The following POLR2I variants were observed in gnomAD, a reference collection of about 807,000 sequenced individuals.
POLR2I encodes the protein DNA-directed RNA polymerase II subunit RPB9.
POLR2I carries 15 observed loss-of-function variants against 23.0 expected under a neutral mutation model. The observed-to-expected ratio is 0.65, with a 90% CI of 0.44 to 1.00. The LOEUF (loss-of-function observed/expected upper bound fraction) is 1.00, where lower values mean the gene tolerates loss of function less well. Ranked by LOEUF, POLR2I falls within the 50% of genes least tolerant of loss-of-function variation. The probability of loss-of-function intolerance (pLI) is 0.00; values close to 1 mark genes in which losing one functional copy is unlikely to be tolerated. For synonymous variants in POLR2I, 72 were observed against 65.4 expected (o/e 1.10, Z -0.49); for missense variants, 120 against 173.7 (o/e 0.69, Z 1.74).
At chr19:36,113,931 C>T in intron 5 of POLR2I, 84 bp downstream of exon 5, 4 of 1,576,252 alleles carry the variant, frequency 2.5e-6, no homozygotes, top group African/African-American at 1.3e-5. Flanking sequence ...TTCCAAGAAG[C>T]GCAGGGTCAC....
chr19:36,113,970 G>A lies in POLR2I; in HGVS notation c.315+45C>T, dbSNP rs749039089. 84 of 1,607,210 alleles carry A rather than the reference G, an allele frequency of 5.2e-5. No individual in the cohort carries two copies. In the Middle Eastern group the frequency reaches 8.2e-4, roughly 16 times the overall value. On this transcript the variant is annotated intron_variant, in intron 5 of 5. Transcript: ENST00000221859. Reference sequence around the variant, plus strand: ...CATTGATATCCCCGCCCCCAGAAAGGACCAAACAAGCCCCAGATACTTAGA... The same window carrying A: ...CATTGATATCCCCGCCCCCAGAAAGAACCAAACAAGCCCCAGATACTTAGA...
chr19:36,113,878 A>G, intron 5 of POLR2I, 61 bp from the exon 6 acceptor site: 1 of 1,599,000 alleles, frequency 6.3e-7, no homozygotes, highest in African/African-American at 1.3e-5. Flanking sequence ...ACCCCAAAAG[A>G]ACAGGCAAGA....
In POLR2I at chr19:36,114,351, G is replaced by A. The variant is rs764389666; in HGVS notation, c.176C>T (p.Thr59Met). The change falls in exon 3 of 6, where the codon ACG becomes ATG. Residue 59 changes from threonine (T) to methionine (M), a missense_variant. Transcript: ENST00000221859. This position sits in a 1 kb window ranked among gnomAD's most constrained non-coding sequence, Gnocchi z 4.5. Reference protein sequence around the residue: ...DNSCIYVNKITHEVDELTQII... With the variant: ...DNSCIYVNKIMHEVDELTQII... ...GCCCGCCACTCACTCCACTTCGTGC[G>A]TGATCTTGTTGACATAGATGCAGCT... 6.2e-7 allele frequency: 1 copy of A among 1,614,054 alleles called. No homozygotes were observed. Among genetic ancestry groups the A allele is most frequent in the Non-Finnish European group, 8.5e-7 (1 of 1,179,984 alleles).
Position 36,114,641 on chromosome 19 carries a change from G to T in POLR2I, c.114+18C>A. 1 of 1,599,418 alleles carries T rather than the reference G, an allele frequency of 6.3e-7. No individual in the cohort carries two copies. ...GCTGGGAACAGGTGGACCTGCCGGGGAAGACCCCGGCGCTCACCGCGTAGA... is the reference window on the plus strand; with the variant it reads ...GCTGGGAACAGGTGGACCTGCCGGGTAAGACCCCGGCGCTCACCGCGTAGA... On this transcript the variant is annotated intron_variant, in intron 2 of 5. Transcript: ENST00000221859. This position sits in a 1 kb window ranked among gnomAD's most constrained non-coding sequence, Gnocchi z 4.5.
Position 36,114,077 on chromosome 19 carries a change from A to T in POLR2I, c.264-11T>A. On this transcript the variant is annotated splice_polypyrimidine_tract_variant and intron_variant, in intron 4 of 5. Transcript: ENST00000221859. This position sits in a 1 kb window ranked among gnomAD's most constrained non-coding sequence, Gnocchi z 4.5. Reference sequence around the variant, plus strand: ...TCCTTGTGGCCGCACCTGAGAGGGTAGGGGCTCGGTCACCGGAGGCTTCAC... The same window carrying T: ...TCCTTGTGGCCGCACCTGAGAGGGTTGGGGCTCGGTCACCGGAGGCTTCAC... 2 of 1,613,984 alleles carry T rather than the reference A, an allele frequency of 1.2e-6. No homozygotes were observed. Among genetic ancestry groups the T allele is most frequent in the South Asian group, 2.2e-5 (2 of 91,088 alleles).
rs2231566 is a variant in POLR2I, at chr19:36,114,650, G to A, written c.114+9C>T. ...AGGTGGACCTGCCGGGGAAGACCCC[G>A]GCGCTCACCGCGTAGAGCAGAATGC... On this transcript the variant is annotated intron_variant, in intron 2 of 5. Transcript: ENST00000221859. This position sits in a 1 kb window ranked among gnomAD's most constrained non-coding sequence, Gnocchi z 4.5. 135,204 of 1,602,478 alleles carry A rather than the reference G, an allele frequency of 0.084. 6,211 individuals carry two copies. Among genetic ancestry groups the A allele is most frequent in the South Asian group, 0.09 (8,164 of 90,562 alleles).
intron 5 of POLR2I, 94 bp downstream of exon 5, chr19:36,113,921 T>G: frequency 6.3e-7 from 1 of 1,575,098 alleles, no homozygotes; most frequent in East Asian, 2.2e-5. Flanking sequence ...CCCGGCAGAG[T>G]TCCAAGAAGC....
chr19:36,113,773 G>A lies in POLR2I; in HGVS notation c.360C>T (p.Gly120=). 1 of 1,613,590 alleles carries A rather than the reference G, an allele frequency of 6.2e-7. No homozygotes were observed. The highest frequency in any genetic ancestry group is 1.3e-5 in the African/African-American group (1 of 75,032). The change falls in exon 6 of 6, where the codon GGC becomes GGT. Residue 120 remains glycine (G), a synonymous_variant. Transcript: ENST00000221859. ...GAGGAGGTCACTCGGTCCAGCGGTG[G>A]CCGCAGTGTGGGGCTGTGCACACGT... ...LYYVCTAPHC[G]HRWTE is the part of the protein sequence containing the mutation.
In POLR2I at chr19:36,114,152, T is replaced by A; in HGVS notation, c.263+25A>T. ...GTGAGGAGACGAGCCTCACTTTACC[T>A]CCCCAGTACCAGCTGAACGCTCACT... is the stretch of plus-strand genomic sequence containing the variant. On this transcript the variant is annotated intron_variant, in intron 4 of 5. Transcript: ENST00000221859. The surrounding 1 kb of genome is among the most constrained non-coding windows in gnomAD (Gnocchi z 4.5). 1 of 1,613,752 alleles carries A rather than the reference T, an allele frequency of 6.2e-7. No individual in the cohort carries two copies. Among genetic ancestry groups the A allele is most frequent in the Non-Finnish European group, 8.5e-7 (1 of 1,179,836 alleles).
Position 36,113,821 on chromosome 19 carries a change from G to A in POLR2I, c.316-4C>T. ...CGTAGTAAAGGCGCATGGCGTCCTG[G>A]CAGAAATGATGCATGGTTAGGAAGG... On this transcript the variant is annotated splice_polypyrimidine_tract_variant and splice_region_variant and intron_variant, in intron 5 of 5. Transcript: ENST00000221859. 3.1e-6 allele frequency: 5 copies of A among 1,612,232 alleles called. No homozygotes were observed. Among genetic ancestry groups the A allele is most frequent in the Non-Finnish European group, 4.2e-6 (5 of 1,179,756 alleles).
rs1431818350 is a variant in POLR2I at position 36,114,716 on chromosome 19, G to C, written c.60-3C>G. The C allele has an allele frequency of 6.2e-7, 1 of 1,613,056 alleles. No individual in the cohort carries two copies. The highest frequency in any genetic ancestry group is 8.5e-7 in the Non-Finnish European group (1 of 1,179,192). On this transcript the variant is annotated splice_polypyrimidine_tract_variant and splice_region_variant and intron_variant, in intron 1 of 5. Transcript: ENST00000221859. The surrounding 1 kb of genome is among the most constrained non-coding windows in gnomAD (Gnocchi z 4.5). ...CCTTGGGGTACAGCATGTTGTTACT[G>C]TGGGGAGGGGGAGGTGCCAGGGGTT...
At chr19:36,113,865 C>T (rs1449367844) in intron 5 of POLR2I, 48 bp from the exon 6 acceptor site, 2 of 1,606,018 alleles carry the variant, frequency 1.2e-6, no homozygotes, top group South Asian at 2.2e-5. Context: ...CCAGCAGCGC[C>T]TTACCCCAAA....
At position 36,114,874 on chromosome 19, in the gene POLR2I, G is replaced by GCAGCCCTCC. The variant is rs1568380522; in HGVS notation, c.-19_-18insGGAGGGCTG. 6 of 1,612,490 alleles carry GCAGCCCTCC rather than the reference G, an allele frequency of 3.7e-6. No homozygotes were observed. In the South Asian group the frequency reaches 6.6e-5, roughly 18 times the overall value. On this transcript the variant is annotated 5_prime_UTR_variant, in exon 1 of 6. Transcript: ENST00000221859. The surrounding 1 kb of genome is among the most constrained non-coding windows in gnomAD (Gnocchi z 4.5). ...GGCTCCATGGCGACGCGCAGCCCGC[G>GCAGCCCTCC]CAGCCCTCCCAGCCTTCCGCGCTTG...
intron 5 of POLR2I, 63 bp downstream of exon 5, chr19:36,113,952 A>G: frequency 6.3e-7 from 1 of 1,591,904 alleles, no homozygotes. Context: ...CCACATTGAT[A>G]TCCCCGCCCC....
At chr19:36,113,953 T>A in intron 5 of POLR2I, 62 bp downstream of exon 5, 1 of 1,592,772 alleles carries the variant, frequency 6.3e-7, no homozygotes, top group Non-Finnish European at 8.6e-7. Flanking sequence ...CACATTGATA[T>A]CCCCGCCCCC....
chr19:36,113,864 C>A (rs781397943), intron 5 of POLR2I, 47 bp from the exon 6 acceptor site: 1 of 1,605,730 alleles, frequency 6.2e-7, no homozygotes, highest in African/African-American at 1.3e-5. Context: ...CCCAGCAGCG[C>A]CTTACCCCAA....
In POLR2I at chr19:36,114,789, C is replaced by T. The variant is rs199881119; in HGVS notation, c.59+9G>A. ...CGCCTTCTAACATCACCCGCTCCCT[C>T]CGCCTCACCATTCCTGGCAGAAGCG... On this transcript the variant is annotated intron_variant, in intron 1 of 5. Coordinates refer to ENST00000221859, the MANE Select transcript of POLR2I (RefSeq NM_006233.5). The surrounding 1 kb of genome is among the most constrained non-coding windows in gnomAD (Gnocchi z 4.5). 1 of 1,614,210 alleles carries T rather than the reference C, an allele frequency of 6.2e-7. No individual in the cohort carries two copies. The highest frequency in any genetic ancestry group is 2.2e-5 in the East Asian group (1 of 44,880).
At position 36,114,063 on chromosome 19, in the gene POLR2I, G is replaced by A; in HGVS notation, c.267C>T (p.Cys89=). The A allele has an allele frequency of 6.2e-7, 1 of 1,614,020 alleles. No homozygotes were observed. Among genetic ancestry groups the A allele is most frequent in the Non-Finnish European group, 8.5e-7 (1 of 1,179,976 alleles). The change falls in exon 5 of 6, where the codon TGC becomes TGT. Residue 89 remains cysteine, a synonymous_variant. Coordinates refer to ENST00000221859, the MANE Select transcript of POLR2I (RefSeq NM_006233.5). This position sits in a 1 kb window ranked among gnomAD's most constrained non-coding sequence, Gnocchi z 4.5. ...PRTEDHPCQK[C]GHKEAVFFQS... ...GGAAGAACACAGCCTCCTTGTGGCC[G>A]CACCTGAGAGGGTAGGGGCTCGGTC...
rs1356851984 is a variant in POLR2I at position 36,114,847 on chromosome 19, C to A, written c.10G>T (p.Asp4Tyr). The change falls in exon 1 of 6, where the codon GAC becomes TAC. Residue 4 changes from aspartate to tyrosine, a missense_variant. Coordinates refer to ENST00000221859, the MANE Select transcript of POLR2I (RefSeq NM_006233.5). The surrounding 1 kb of genome is among the most constrained non-coding windows in gnomAD (Gnocchi z 4.5). MEPDGTYEPGFVGI... is the reference protein window; with the variant it reads MEPYGTYEPGFVGI... ...ACGAAGCCCGGCTCGTAAGTCCCGT[C>A]GGGCTCCATGGCGACGCGCAGCCCG... is the stretch of plus-strand genomic sequence containing the variant. 6.2e-7 allele frequency: 1 copy of A among 1,613,828 alleles called. No individual in the cohort carries two copies. The highest frequency in any genetic ancestry group is 8.5e-7 in the Non-Finnish European group (1 of 1,180,006).
Sources: allele counts gnomAD v4.1 joint callset, GRCh38; gene constraint gnomAD v4.1.1; non-coding constraint Gnocchi (gnomAD v3.1); transcripts MANE v1.5; gene names NCBI Gene and HGNC (gene_info 2026-07-23, HGNC 2026-07-21).